The following PEX1 variants were observed in gnomAD, a reference collection of about 807,000 sequenced individuals.
The protein encoded by PEX1 is peroxisomal ATPase PEX1.
PEX1 carries 97 observed loss-of-function variants against 152.5 expected under a neutral mutation model. That is an observed-to-expected ratio of 0.64 (90% CI 0.54 to 0.75). The LOEUF is 0.75. Among genes scored for constraint, PEX1 ranks in the 30% least tolerant of loss-of-function variants. PEX1 has a pLI of 0.00. For missense variants in PEX1, 1,357 were observed against 1,516.3 expected (o/e 0.89, Z 1.74); for synonymous variants, 485 against 531.6 (o/e 0.91, Z 1.21).
At chr7:92,522,353 G>T in intron 1 of PEX1, 108 bp from the exon 2 acceptor site, 1 of 1,067,570 alleles carries the variant, frequency 9.4e-7, no homozygotes, top group Non-Finnish European at 1.4e-6. Flanking sequence ...GAGTTCTATA[G>T]ATAGTTCTCT....
Position 92,509,288 on chromosome 7 carries a change from A to G in PEX1, c.1670+41T>C, listed in dbSNP as rs576037091. The stretch of plus-strand genomic sequence containing the variant: ...TGAAAACTCTGCCAGATATAGTGTT[A>G]AAAACATGTCTAACATGCTAGTTTG... On this transcript the variant is annotated intron_variant, in intron 9 of 23. Transcript: ENST00000248633. 3.4e-5 allele frequency: 46 copies of G among 1,353,098 alleles called. No homozygotes were observed. The African/African-American group carries it at 6.4e-4, about 19-fold the overall frequency. 83.8% of individuals were successfully genotyped at this position (1,353,098 alleles called of 1,614,324 possible). A position where few individuals can be genotyped will look rare whatever the true frequency, so the allele number is the denominator to read the frequency against.
At chr7:92,516,428 T>TG (rs1390482976) in intron 5 of PEX1, among the ~76,000 whole-genome samples, 1 of 148,372 alleles carries the variant, frequency 6.7e-6, no homozygotes, top group Non-Finnish European at 1.5e-5. Context: ...CTCCATCTTG[T>TG]GGAAAAAAAA....
intron 2 of PEX1, among the ~76,000 whole-genome samples, chr7:92,521,581 C>T (rs1013987816): frequency 6.6e-6 from 1 of 151,582 alleles, no homozygotes; most frequent in Non-Finnish European, 1.5e-5. Context: ...ATTACAGGCA[C>T]CTGCCACCAT....
chr7:92,522,136 A>G lies in PEX1; in HGVS notation c.239T>C (p.Val80Ala). Reference sequence around the variant, plus strand: ...ATTTGAGAGTCCAAGTTTTTGACCAACTTGTCTGTTAATTTCAGCCACATT... The same window carrying G: ...ATTTGAGAGTCCAAGTTTTTGACCAGCTTGTCTGTTAATTTCAGCCACATT... ...GENVAEINRQVGQKLGLSNGG... is the reference protein window; with the variant it reads ...GENVAEINRQAGQKLGLSNGG... The change falls in exon 2 of 24, where the codon GTT becomes GCT. Residue 80 changes from valine to alanine, a missense_variant. Transcript: ENST00000248633. 6.2e-7 allele frequency: 1 copy of G among 1,614,142 alleles called. No individual in the cohort carries two copies. Among genetic ancestry groups the G allele is most frequent in the Non-Finnish European group, 8.5e-7 (1 of 1,180,002 alleles).
In PEX1 at chr7:92,518,306, A is replaced by T; in HGVS notation, c.358-51T>A. ...ATTCACTTTACATTTTGTCCACTCC[A>T]TATCTAGTTAAAAAAAATCTCAATT... On this transcript the variant is annotated intron_variant, in intron 3 of 23. Transcript: ENST00000248633. The T allele has an allele frequency of 7.2e-6, 8 of 1,111,590 alleles. No individual in the cohort carries two copies. The South Asian group carries it at 1.0e-4, about 14-fold the overall frequency. The allele number at this position is 1,111,590 out of a possible 1,614,324, so 68.9% of individuals were successfully genotyped here.
intron 1 of PEX1, 69 bp from the exon 2 acceptor site, chr7:92,522,314 A>G: frequency 6.9e-7 from 1 of 1,444,692 alleles, no homozygotes; most frequent in Non-Finnish European, 9.7e-7. Flanking sequence ...ATGAAAATAA[A>G]CTATTATTAC....
At chr7:92,505,048 A>G (rs1239242376) in intron 11 of PEX1, 146 bp from the exon 12 acceptor site, 1 of 663,390 alleles carries the variant, frequency 1.5e-6, no homozygotes, top group African/African-American at 1.8e-5. Context: ...CATCACAAAA[A>G]CTTGTTCATC....
At position 92,511,273 on chromosome 7, in the gene PEX1, C is replaced by T. The variant is rs557889685; in HGVS notation, c.1484-226G>A. Reference sequence around the variant, plus strand: ...CCAAGTAGCTGGGACTACAGGCATACACCACTATGTCAGGCTAATTTTTGT... The same window carrying T: ...CCAAGTAGCTGGGACTACAGGCATATACCACTATGTCAGGCTAATTTTTGT... On this transcript the variant is annotated intron_variant, in intron 7 of 23. Coordinates refer to ENST00000248633, the MANE Select transcript of PEX1 (RefSeq NM_000466.3). Among the ~76,000 whole-genome samples the T allele has an allele frequency of 2.0e-5, 3 of 152,052 alleles. No homozygotes were observed. In the East Asian group the frequency reaches 5.8e-4, roughly 29 times the overall value.
chr7:92,520,387 T>A (rs920125653), intron 2 of PEX1, among the ~76,000 whole-genome samples: 1 of 152,202 alleles, frequency 6.6e-6, no homozygotes, highest in Non-Finnish European at 1.5e-5. Context: ...GTGTTAGGTT[T>A]ACAGATTTCT....
intron 21 of PEX1, chr7:92,490,251 T>C: frequency 7.1e-6 from 2 of 281,500 alleles, no homozygotes; most frequent in South Asian, 8.1e-5. Flanking sequence ...CATTTCTAAA[T>C]AGAATAAATT....
chr7:92,494,256 T>G, intron 19 of PEX1, 37 bp downstream of exon 19: 1 of 1,408,046 alleles, frequency 7.1e-7, no homozygotes, highest in Non-Finnish European at 1.0e-6. Context: ...GAGTGTAGCA[T>G]TTGTTGGGTT....
chr7:92,491,876 T>G (rs1791348146), intron 20 of PEX1, among the ~76,000 whole-genome samples: 1 of 152,110 alleles, frequency 6.6e-6, no homozygotes, highest in Admixed American at 6.5e-5. Flanking sequence ...AATACACACC[T>G]TTCTGGTAGT....
In PEX1 at chr7:92,495,832, T is replaced by A. The variant is rs112595026; in HGVS notation, c.2783+881A>T. The stretch of plus-strand genomic sequence containing the variant: ...ATTATTTCCCTTTTAACATATTTTT[T>A]AGTTTATATCTATAATTTTCCTAAT... On this transcript the variant is annotated intron_variant, in intron 17 of 23. Transcript: ENST00000248633. Among the ~76,000 whole-genome samples, 19 of 152,238 alleles carry A rather than the reference T, an allele frequency of 1.2e-4. 1 individual carries two copies. Among genetic ancestry groups the A allele is most frequent in the African/African-American group, 4.3e-4 (18 of 41,584 alleles).
intron 20 of PEX1, among the ~76,000 whole-genome samples, chr7:92,492,100 A>G (rs1280123237): frequency 6.6e-6 from 1 of 152,222 alleles, no homozygotes; most frequent in Non-Finnish European, 1.5e-5. Context: ...TCTTTAGAGA[A>G]AAGGCTGATG....
rs61750415 is a variant in PEX1, at chr7:92,503,169, T to TA, written c.2097dup (p.Ile700TyrfsTer42). The TA allele has an allele frequency of 7.8e-4, 1,260 of 1,613,750 alleles. No individual in the cohort carries two copies. The highest frequency in any genetic ancestry group is 1.0e-3 in the Non-Finnish European group (1,192 of 1,179,764). ...AGTGCAACCAAACTTCCCATGGAGATAAACTCTTTTATCATATCATTCAAA... is the reference window on the plus strand; with the variant it reads ...AGTGCAACCAAACTTCCCATGGAGATAAAACTCTTTTATCATATCATTCAAA... On this transcript the variant is annotated frameshift_variant, in exon 13 of 24. Coordinates refer to ENST00000248633, the MANE Select transcript of PEX1 (RefSeq NM_000466.3). LOFTEE classifies it high-confidence loss of function.
At chr7:92,493,937 CT>C (rs767026711) in intron 19 of PEX1, 17 of 277,436 alleles carry the variant, frequency 6.1e-5, no homozygotes, top group Non-Finnish European at 1.1e-4. Context: ...TGCTTACATG[CT>C]TACGATTCAC....
At position 92,499,730 on chromosome 7, in the gene PEX1, T is replaced by C; in HGVS notation, c.2692A>G (p.Ser898Gly). 1 of 1,613,304 alleles carries C rather than the reference T, an allele frequency of 6.2e-7. No homozygotes were observed. The highest frequency in any genetic ancestry group is 8.5e-7 in the Non-Finnish European group (1 of 1,179,268). Residue 898 changes from serine (S) to glycine (G), a missense_variant, in exon 16 of 24, where the codon AGT (serine) becomes GGT (glycine). Physicochemically the swap from Ser to Gly is moderately conservative, Grantham distance 56 (BLOSUM62 0). Coordinates refer to ENST00000248633, the MANE Select transcript of PEX1 (RefSeq NM_000466.3). ...TTGACACTTATAAAATTCATTCTAC[T>C]CTCTCGTGCAATTACCCCAGCTAGT... ...TLLAGVIARE[S>G]RMNFISVKGP...
chr7:92,511,912 C>T lies in PEX1; in HGVS notation c.1360-209G>A, dbSNP rs6946364. Among the ~76,000 whole-genome samples the T allele has an allele frequency of 0.032, 4,862 of 152,272 alleles. 107 individuals carry two copies. Among genetic ancestry groups the T allele is most frequent in the Non-Finnish European group, 0.042 (2,829 of 68,016 alleles). On this transcript the variant is annotated intron_variant, in intron 6 of 23. Transcript: ENST00000248633. The stretch of plus-strand genomic sequence containing the variant: ...GTAGCCTGAAGAAACATCTGTTAGG[C>T]GGAAAAGTTTTAAATGCTCCTTTTC...
intron 22 of PEX1, 45 bp from the exon 23 acceptor site, chr7:92,489,468 A>T: frequency 7.0e-7 from 1 of 1,434,204 alleles, no homozygotes; most frequent in Non-Finnish European, 9.7e-7. Flanking sequence ...TTAAGGATGT[A>T]AAAAAAAATG....
Sources: allele counts gnomAD v4.1 joint callset (sites outside exome capture counted in the v4.1 genomes callset), GRCh38; gene constraint gnomAD v4.1.1; transcripts MANE v1.5; gene names NCBI Gene and HGNC (gene_info 2026-07-23, HGNC 2026-07-21).